GAN: variants seen among roughly 807,000 people sequenced by gnomAD.
GAN encodes the protein gigaxonin, also known as epididymis secretory sperm binding protein.
In GAN, 48 loss-of-function variants were observed where a neutral mutation model predicts 71.3. That is an observed-to-expected ratio of 0.67 (90% CI 0.53 to 0.86). GAN has a LOEUF of 0.86. GAN is among the 40% of genes least tolerant of loss of function. The pLI is 0.00. For missense variants in GAN, 928 were observed against 770.1 expected (o/e 1.21, Z -2.43); for synonymous variants, 386 against 276.8 (o/e 1.39, Z -3.92).
At chr16:81,325,269 A>G (rs1909347392) in intron 1 of GAN, among the ~76,000 whole-genome samples, 1 of 152,258 alleles carries the variant, frequency 6.6e-6, no homozygotes, top group Non-Finnish European at 1.5e-5. Context: ...AGCTGTAGGA[A>G]TTGCGAGGGG....
chr16:81,358,227 G>T (rs979446140), intron 5 of GAN, among the ~76,000 whole-genome samples: 79 of 152,284 alleles, frequency 5.2e-4, no homozygotes, highest in African/African-American at 1.8e-3. Context: ...AGTAGCTGTA[G>T]GGCCACACCT....
At chr16:81,336,765 A>G (rs975435860) in intron 1 of GAN, among the ~76,000 whole-genome samples, 2 of 152,102 alleles carry the variant, frequency 1.3e-5, no homozygotes, top group African/African-American at 2.4e-5. Flanking sequence ...GGTGTGAGCC[A>G]CCATGCCAGA....
At chr16:81,346,467 G>A (rs537315843) in intron 1 of GAN, among the ~76,000 whole-genome samples, 5 of 152,168 alleles carry the variant, frequency 3.3e-5, no homozygotes, top group South Asian at 2.1e-4. Flanking sequence ...CCTGAGCTCC[G>A]CCTCCTGTCA....
At chr16:81,346,013 T>TG (rs1218721171) in intron 1 of GAN, among the ~76,000 whole-genome samples, 3 of 152,240 alleles carry the variant, frequency 2.0e-5, no homozygotes, top group Non-Finnish European at 2.9e-5. Context: ...AGCTAGCTCT[T>TG]GGTTGAACCT....
intron 9 of GAN, among the ~76,000 whole-genome samples, chr16:81,376,605 T>C (rs1438281696): frequency 2.7e-5 from 4 of 150,704 alleles, no homozygotes; most frequent in African/African-American, 7.3e-5. Flanking sequence ...GTATATATTA[T>C]ATGTATGTAT....
At chr16:81,329,891 T>C (rs113599776) in intron 1 of GAN, among the ~76,000 whole-genome samples, 1 of 152,166 alleles carries the variant, frequency 6.6e-6, no homozygotes, top group Non-Finnish European at 1.5e-5. Context: ...CCAAGCCCGC[T>C]ACATGGCCAC....
At chr16:81,333,384 T>C (rs1168780691) in intron 1 of GAN, among the ~76,000 whole-genome samples, 2 of 152,216 alleles carry the variant, frequency 1.3e-5, no homozygotes, top group African/African-American at 4.8e-5. Context: ...AGTATCCACT[T>C]CTGTTTTATA....
intron 1 of GAN, among the ~76,000 whole-genome samples, chr16:81,319,003 T>C (rs761994427): frequency 6.6e-6 from 1 of 151,956 alleles, no homozygotes; most frequent in Non-Finnish European, 1.5e-5. Context: ...CTTTGGTTTG[T>C]TGGGGAAACT....
At chr16:81,325,108 C>G (rs973706969) in intron 1 of GAN, among the ~76,000 whole-genome samples, 2 of 152,228 alleles carry the variant, frequency 1.3e-5, no homozygotes, top group African/African-American at 4.8e-5. Flanking sequence ...TCGTCACCAA[C>G]AGATGATGTT....
intron 1 of GAN, among the ~76,000 whole-genome samples, chr16:81,328,935 T>C (rs1909479792): frequency 6.6e-6 from 1 of 152,230 alleles, no homozygotes; most frequent in African/African-American, 2.4e-5. Flanking sequence ...ACCATTTCTA[T>C]CTCCGTGGCT....
At chr16:81,369,274 G>A (rs1332235252) in intron 9 of GAN, among the ~76,000 whole-genome samples, 1 of 152,156 alleles carries the variant, frequency 6.6e-6, no homozygotes, top group African/African-American at 2.4e-5. Flanking sequence ...GGGCTAAGTG[G>A]AAGTCCCCGG....
rs1904295474 is a variant in GAN, at chr16:81,379,636, T to C, written c.*2040T>C. 1 of 152,194 alleles carries C rather than the reference T, an allele frequency of 6.6e-6. No individual in the cohort carries two copies. The highest frequency in any genetic ancestry group is 2.4e-5 in the African/African-American group (1 of 41,452). 9.4% of individuals were successfully genotyped at this position (152,194 alleles called of 1,614,324 possible). The stretch of plus-strand genomic sequence containing the variant: ...AGATATTAGTTTTAGAGGAAGGAAA[T>C]AGCTGAAAAACTAAATTTGCTTTGG... On this transcript the variant is annotated 3_prime_UTR_variant, in exon 11 of 11. Coordinates refer to ENST00000648994, the MANE Select transcript of GAN (RefSeq NM_022041.4).
At chr16:81,335,534 G>T (rs1478200707) in intron 1 of GAN, among the ~76,000 whole-genome samples, 1 of 152,036 alleles carries the variant, frequency 6.6e-6, no homozygotes, top group African/African-American at 2.4e-5. Flanking sequence ...ATCAACTGAG[G>T]TCAGGAGTTC....
chr16:81,368,169 CAAAGA>C (rs1439440469), intron 9 of GAN, among the ~76,000 whole-genome samples: 4 of 152,120 alleles, frequency 2.6e-5, no homozygotes, highest in South Asian at 2.1e-4. Context: ...GAAAGGAAAG[CAAAGA>C]AATTGCCATA....
chr16:81,379,787 T>C lies in GAN; in HGVS notation c.*2191T>C, dbSNP rs1266960359. On this transcript the variant is annotated 3_prime_UTR_variant, in exon 11 of 11. Transcript: ENST00000648994. ...ATTCTCCTTTTTTAATTTCTGATATTTAAAGTTTTTTTTCCAGTCTACACC... is the reference window on the plus strand; with the variant it reads ...ATTCTCCTTTTTTAATTTCTGATATCTAAAGTTTTTTTTCCAGTCTACACC... The C allele has an allele frequency of 6.6e-6, 1 of 152,138 alleles. No homozygotes were observed. The highest frequency in any genetic ancestry group is 1.9e-4 in the East Asian group (1 of 5,196). 9.4% of individuals were successfully genotyped at this position (152,138 alleles called of 1,614,324 possible). A position where few individuals can be genotyped will look rare whatever the true frequency, so the allele number is the denominator to read the frequency against.
At chr16:81,342,811 A>C (rs1402686520) in intron 1 of GAN, among the ~76,000 whole-genome samples, 1 of 152,004 alleles carries the variant, frequency 6.6e-6, no homozygotes, top group Non-Finnish European at 1.5e-5. Context: ...TGGAGACACA[A>C]CCCTTCAAAA....
At chr16:81,344,076 A>C (rs1255682194) in intron 1 of GAN, among the ~76,000 whole-genome samples, 1 of 152,244 alleles carries the variant, frequency 6.6e-6, no homozygotes, top group Non-Finnish European at 1.5e-5. Flanking sequence ...GACCTCTTCA[A>C]GGAGAACTAC....
intron 1 of GAN, among the ~76,000 whole-genome samples, chr16:81,325,638 G>A (rs186262423): frequency 3.3e-5 from 5 of 152,266 alleles, no homozygotes; most frequent in African/African-American, 4.8e-5. Flanking sequence ...TGAGAGCAGC[G>A]CACTGGGACA....
chr16:81,327,445 C>T (rs1317231327), intron 1 of GAN, among the ~76,000 whole-genome samples: 1 of 152,184 alleles, frequency 6.6e-6, no homozygotes, highest in Admixed American at 6.5e-5. Context: ...TTCCCCTACT[C>T]CACTATCTCC....
Sources: gnomAD v4.1 joint callset for allele counts (sites outside exome capture counted in the v4.1 genomes callset) on GRCh38, gnomAD v4.1.1 for gene constraint, MANE v1.5 for transcripts, NCBI Gene and HGNC (gene_info 2026-07-23, HGNC 2026-07-21) for gene names.